Variants in ZNF727 observed in about 807,000 individuals in gnomAD.
ZNF727 encodes putative zinc finger protein 727.
A neutral mutation model predicts 11.5 loss-of-function variants in ZNF727; 11 were observed. The ratio of observed to expected loss-of-function variants is 0.95; its 90% CI spans 0.60 to 1.58. The LOEUF (loss-of-function observed/expected upper bound fraction) is 1.58, where lower values mean the gene tolerates loss of function less well. Ranked by LOEUF, ZNF727 falls within the 40% of genes most tolerant of loss-of-function variation. The pLI is 0.00. For missense variants in ZNF727, 533 were observed against 581.7 expected (o/e 0.92, Z 0.86); for synonymous variants, 171 against 196.1 (o/e 0.87, Z 1.07).
intron 1 of ZNF727, among the ~76,000 whole-genome samples, chr7:64,063,737 G>A (rs745864049): frequency 6.6e-6 from 1 of 152,096 alleles, no homozygotes; most frequent in Non-Finnish European, 1.5e-5. Context: ...CCCTGGGCTG[G>A]GGGTAGCAAA....
In ZNF727 at chr7:64,077,592, CTGTAGGTTGTCAGAT is replaced by C. The variant is rs1297992624; in HGVS notation, c.545_559del (p.Cys182_Asp186del). 6.4e-7 allele frequency: 1 copy of C among 1,551,324 alleles called. No homozygotes were observed. Among genetic ancestry groups the C allele is most frequent in the Non-Finnish European group, 8.7e-7 (1 of 1,146,854 alleles). On this transcript the variant is annotated inframe_deletion, in exon 4 of 4. Transcript: ENST00000456806. ...ACAAATGTGAAGAATGTGGCAAAGA[CTGTAGGTTGTCAGAT>C]TTTACCATACAGAAGAGAATTCATA...
At position 64,077,357 on chromosome 7, in the gene ZNF727, C is replaced by G; in HGVS notation, c.308C>G (p.Ser103Cys). Residue 103 changes from serine (S) to cysteine (C), a missense_variant, in exon 4 of 4, where the codon TCT becomes TGT. Around this residue, in one of 3 missense-constraint regions of ZNF727, gnomAD observed 463 missense variants for 494.5 expected, o/e 0.94. Transcript: ENST00000456806. Reference protein sequence around the residue: ...DSFQKVILRKSGSCDLNTLRL... With the variant: ...DSFQKVILRKCGSCDLNTLRL... ...TTTCAAAAAGTGATCCTGAGAAAAT[C>G]TGGAAGCTGTGACCTTAATACTTTA... The G allele has an allele frequency of 6.4e-7, 1 of 1,551,056 alleles. No homozygotes were observed. Among genetic ancestry groups the G allele is most frequent in the Non-Finnish European group, 8.7e-7 (1 of 1,146,860 alleles).
intron 1 of ZNF727, among the ~76,000 whole-genome samples, chr7:64,061,329 T>C (rs992673766): frequency 1.3e-5 from 2 of 152,150 alleles, no homozygotes; most frequent in Non-Finnish European, 2.9e-5. Flanking sequence ...AGCTCTAATA[T>C]TTACTTCATG....
intron 1 of ZNF727, among the ~76,000 whole-genome samples, chr7:64,050,770 A>ATATG (rs1277649382): frequency 7.0e-4 from 49 of 70,312 alleles, no homozygotes; most frequent in African/African-American, 1.9e-3. Context: ...GTATGTATGC[A>ATATG]TATGTATGTG....
Position 64,082,383 on chromosome 7 carries a change from G to T in ZNF727, c.*3834G>T, listed in dbSNP as rs183327386. ...TCCACTGCAGTTTCTAGTCACCTCA[G>T]ATTTTCCAGTACCTGACAACATTAT... is the stretch of plus-strand genomic sequence containing the variant. On this transcript the variant is annotated 3_prime_UTR_variant, in exon 4 of 4. Transcript: ENST00000456806. 3.3e-3 allele frequency among the ~76,000 whole-genome samples: 496 copies of T among 152,278 alleles called. 4 individuals are homozygous for T. The highest frequency in any genetic ancestry group is 6.0e-3 in the Admixed American group (91 of 15,292).
At chr7:64,046,983 T>TG (rs1011122480) in intron 1 of ZNF727, among the ~76,000 whole-genome samples, 1 of 151,846 alleles carries the variant, frequency 6.6e-6, no homozygotes, top group African/African-American at 2.4e-5. Flanking sequence ...TTTGTGTTTT[T>TG]TTTTTTTTTC....
At chr7:64,074,537 G>A (rs1207828737) in intron 3 of ZNF727, among the ~76,000 whole-genome samples, 1 of 152,116 alleles carries the variant, frequency 6.6e-6, no homozygotes. Flanking sequence ...GAGAGGAGTA[G>A]GGGAGACATT....
In ZNF727 at chr7:64,081,466, A is replaced by T. The variant is rs1785791679; in HGVS notation, c.*2917A>T. On this transcript the variant is annotated 3_prime_UTR_variant, in exon 4 of 4. Coordinates refer to ENST00000456806, the MANE Select transcript of ZNF727 (RefSeq NM_001159522.3). ...AGCAAAGCCAAACTCACCTTTGCAG[A>T]CATGTGCCAGCAAAGTAATATGGGG... Among the ~76,000 whole-genome samples, 1 of 152,068 alleles carries T rather than the reference A, an allele frequency of 6.6e-6. No individual in the cohort carries two copies.
chr7:64,072,233 G>C (rs999482758), intron 3 of ZNF727, among the ~76,000 whole-genome samples: 1 of 151,932 alleles, frequency 6.6e-6, no homozygotes, highest in Non-Finnish European at 1.5e-5. Flanking sequence ...AATCTTTTTG[G>C]GTATGCAGTG....
At chr7:64,055,078 T>C (rs1789661825) in intron 1 of ZNF727, among the ~76,000 whole-genome samples, 1 of 152,158 alleles carries the variant, frequency 6.6e-6, no homozygotes, top group Non-Finnish European at 1.5e-5. Flanking sequence ...TTAAAAATAA[T>C]ATTGTAAAAT....
Position 64,077,754 on chromosome 7 carries a change from A to G in ZNF727, c.705A>G (p.Lys235=). Residue 235 remains lysine, a synonymous_variant, in exon 4 of 4, where the codon AAA becomes AAG. Transcript: ENST00000456806. ...CCTACAAATGTGAAGAATGTGGCAAAACATTTACCTGTTCCTCAGCCCTTA... is the reference window on the plus strand; with the variant it reads ...CCTACAAATGTGAAGAATGTGGCAAGACATTTACCTGTTCCTCAGCCCTTA... ...KKPYKCEECG[K]TFTCSSALTK... is the part of the protein sequence containing the mutation. 6.3e-7 allele frequency: 1 copy of G among 1,583,594 alleles called. No homozygotes were observed. The highest frequency in any genetic ancestry group is 1.4e-5 in the African/African-American group (1 of 73,990).
At chr7:64,046,295 G>A (rs1270054251) in intron 1 of ZNF727, among the ~76,000 whole-genome samples, 2 of 152,156 alleles carry the variant, frequency 1.3e-5, no homozygotes, top group African/African-American at 4.8e-5. Flanking sequence ...GCCTCCTAAA[G>A]TGCCGGGATT....
At chr7:64,050,513 A>G (rs1223618101) in intron 1 of ZNF727, among the ~76,000 whole-genome samples, 1 of 152,196 alleles carries the variant, frequency 6.6e-6, no homozygotes, top group Non-Finnish European at 1.5e-5. Context: ...CTTAGTGACA[A>G]AAGGTTTTAA....
chr7:64,070,817 C>T (rs1440650335), intron 3 of ZNF727, among the ~76,000 whole-genome samples: 1 of 152,054 alleles, frequency 6.6e-6, no homozygotes, highest in Non-Finnish European at 1.5e-5. Flanking sequence ...TCTATACTCT[C>T]TTCTTCTAGG....
chr7:64,056,449 C>A (rs1789687929), intron 1 of ZNF727, among the ~76,000 whole-genome samples: 1 of 152,068 alleles, frequency 6.6e-6, no homozygotes, highest in African/African-American at 2.4e-5. Context: ...TAAAAATGGC[C>A]TGAAACTTAT....
chr7:64,067,748 G>A (rs1355960942), intron 1 of ZNF727, among the ~76,000 whole-genome samples: 2 of 152,090 alleles, frequency 1.3e-5, no homozygotes, highest in Non-Finnish European at 1.5e-5. Flanking sequence ...GGGATTGGGG[G>A]CAAGGGGAGG....
In ZNF727 at chr7:64,085,335, A is replaced by G. The variant is rs554868692; in HGVS notation, c.*6786A>G. On this transcript the variant is annotated 3_prime_UTR_variant, in exon 4 of 4. Transcript: ENST00000456806. ...TGATTTTATTAAATTTATTGGGTCA[A>G]TTTATTCAAGTAGAGTTGAACATTT... Among the ~76,000 whole-genome samples, 2 of 152,266 alleles carry G rather than the reference A, an allele frequency of 1.3e-5. No individual in the cohort carries two copies. Among genetic ancestry groups the G allele is most frequent in the East Asian group, 3.9e-4 (2 of 5,180 alleles).
intron 1 of ZNF727, among the ~76,000 whole-genome samples, chr7:64,055,903 A>G (rs1163448513): frequency 3.3e-5 from 5 of 152,178 alleles, no homozygotes; most frequent in African/African-American, 7.2e-5. Context: ...ATATAATTCT[A>G]TGTTCTAAAT....
At chr7:64,064,561 G>A (rs868261541) in intron 1 of ZNF727, among the ~76,000 whole-genome samples, 12 of 152,278 alleles carry the variant, frequency 7.9e-5, no homozygotes, top group Non-Finnish European at 1.3e-4. Flanking sequence ...GCCTGTGCCT[G>A]GGGTAAGGAT....
Sources: gnomAD v4.1 joint callset for allele counts (sites outside exome capture counted in the v4.1 genomes callset) on GRCh38, gnomAD v4.1.1 for gene constraint, gnomAD v4.1.1 regional missense constraint, MANE v1.5 for transcripts, NCBI Gene and HGNC (gene_info 2026-07-23, HGNC 2026-07-21) for gene names.